Variants in IGFBPL1 observed in about 807,000 individuals in gnomAD.
The protein encoded by IGFBPL1 is insulin-like growth factor-binding protein-like 1.
IGFBPL1 carries 20 observed loss-of-function variants against 23.9 expected under a neutral mutation model. The observed-to-expected ratio is 0.84, with a 90% CI of 0.59 to 1.22. IGFBPL1 has a LOEUF of 1.22. Among genes scored for constraint, IGFBPL1 ranks in the 50% most tolerant of loss-of-function variants. IGFBPL1 has a pLI of 0.00. For missense variants in IGFBPL1, 436 were observed against 379.3 expected, an observed-to-expected ratio of 1.15 and a Z score of -1.24; for synonymous variants, 184 against 171.8, an observed-to-expected ratio of 1.07 and a Z score of -0.56.
rs1334565912 is a variant in IGFBPL1, at chr9:38,407,372, C to T, written c.*1855G>A. Among the ~76,000 whole-genome samples, 3 of 152,146 alleles carry T rather than the reference C, an allele frequency of 2.0e-5. No individual in the cohort carries two copies. The highest frequency in any genetic ancestry group is 4.8e-5 in the African/African-American group (2 of 41,432). ...ACTTGCTCAGGGTCACACAGCGAGC[C>T]GGGGATTAATATGCAAATGGATCTC... On this transcript the variant is annotated 3_prime_UTR_variant, in exon 5 of 5. Coordinates refer to ENST00000377694, the MANE Select transcript of IGFBPL1 (RefSeq NM_001007563.3).
chr9:38,409,905 T>C (rs1032598784), intron 4 of IGFBPL1, among the ~76,000 whole-genome samples: 3 of 152,184 alleles, frequency 2.0e-5, no homozygotes, highest in Non-Finnish European at 4.4e-5. Context: ...CTGCTTTTCA[T>C]GCCTTAATAT....
Position 38,408,656 on chromosome 9 carries a change from C to A in IGFBPL1, c.*571G>T, listed in dbSNP as rs1821466779. The stretch of plus-strand genomic sequence containing the variant: ...ACCATTTTAGAAAGAACACTAAGAC[C>A]ACACTTCCTGTTATTTTCCCAAAAG... On this transcript the variant is annotated 3_prime_UTR_variant, in exon 5 of 5. Coordinates refer to ENST00000377694, the MANE Select transcript of IGFBPL1 (RefSeq NM_001007563.3). Among the ~76,000 whole-genome samples, 1 of 152,068 alleles carries A rather than the reference C, an allele frequency of 6.6e-6. No homozygotes were observed. The highest frequency in any genetic ancestry group is 1.5e-5 in the Non-Finnish European group (1 of 68,036).
Position 38,413,286 on chromosome 9 carries a change from A to T in IGFBPL1, c.638T>A (p.Val213Asp), listed in dbSNP as rs1454284464. Residue 213 changes from valine (V) to aspartate (D), a missense_variant, in exon 3 of 5, where the codon GTC (valine) becomes GAC (aspartate). Transcript: ENST00000377694. ...GTCAGAAGGGCCCCCTCGCACTTGG[A>T]CAGCTATATTGACATGGTCCCCAGG... Reference protein sequence around the residue: ...ELPGDHVNIAVQVRGGPSDHE... With the variant: ...ELPGDHVNIADQVRGGPSDHE... 1 of 1,614,134 alleles carries T rather than the reference A, an allele frequency of 6.2e-7. No homozygotes were observed. The highest frequency in any genetic ancestry group is 8.5e-7 in the Non-Finnish European group (1 of 1,179,994).
intron 1 of IGFBPL1, among the ~76,000 whole-genome samples, chr9:38,414,529 T>C (rs1183060849): frequency 2.0e-5 from 3 of 152,134 alleles, no homozygotes; most frequent in Non-Finnish European, 4.4e-5. Flanking sequence ...CCGGCTGCCA[T>C]CTGCTATAGC....
At chr9:38,420,827 AC>A (rs1821669175) in intron 1 of IGFBPL1, among the ~76,000 whole-genome samples, 1 of 151,892 alleles carries the variant, frequency 6.6e-6, no homozygotes, top group African/African-American at 2.4e-5. Context: ...ACAGAGTGAG[AC>A]TCTGTCTCAA....
At chr9:38,413,543 C>T (rs79554861) in intron 2 of IGFBPL1, among the ~76,000 whole-genome samples, 190 bp from the exon 3 acceptor site, 2,939 of 152,324 alleles carry the variant, frequency 0.019, 46 homozygotes, top group Middle Eastern at 0.061. Context: ...ATAGACAGCA[C>T]GCTCTGCCAG....
intron 3 of IGFBPL1, among the ~76,000 whole-genome samples, chr9:38,411,753 T>C (rs188271947): frequency 1.3e-5 from 2 of 152,316 alleles, no homozygotes; most frequent in East Asian, 3.9e-4. Flanking sequence ...ACGCTCCCTA[T>C]TGTGGCTCTC....
chr9:38,421,532 C>T (rs1821678684), intron 1 of IGFBPL1, among the ~76,000 whole-genome samples: 1 of 152,066 alleles, frequency 6.6e-6, no homozygotes, highest in Non-Finnish European at 1.5e-5. Flanking sequence ...CCCGAGGCCT[C>T]ATTCCATGAA....
At chr9:38,414,033 T>TCTCACACACACACACACACACACACACA (rs5897733) in intron 2 of IGFBPL1, 61 bp downstream of exon 2, 1 of 680,642 alleles carries the variant, frequency 1.5e-6, no homozygotes, top group African/African-American at 1.9e-5. Context: ...TCCCTCTTTC[T>TCTCACACACACACACACACACACACACA]CACACACACA....
chr9:38,417,316 T>C (rs1821613558), intron 1 of IGFBPL1, among the ~76,000 whole-genome samples: 1 of 152,128 alleles, frequency 6.6e-6, no homozygotes, highest in Admixed American at 6.5e-5. Flanking sequence ...AGAGGACCCT[T>C]CCACGTACAC....
intron 1 of IGFBPL1, among the ~76,000 whole-genome samples, chr9:38,416,092 C>T (rs1262044642): frequency 5.9e-5 from 9 of 152,178 alleles, no homozygotes; most frequent in Non-Finnish European, 1.0e-4. Flanking sequence ...AATTTATTCA[C>T]ATTGTCCCGC....
intron 1 of IGFBPL1, among the ~76,000 whole-genome samples, chr9:38,420,660 G>A (rs542659182): frequency 3.9e-5 from 6 of 152,130 alleles, no homozygotes; most frequent in Admixed American, 6.6e-5. Flanking sequence ...GTGAAACCCC[G>A]TCTCTACTAA....
chr9:38,419,244 T>C (rs1821640748), intron 1 of IGFBPL1, among the ~76,000 whole-genome samples: 1 of 152,030 alleles, frequency 6.6e-6, no homozygotes, highest in Non-Finnish European at 1.5e-5. Context: ...AAAAAGCACA[T>C]AACCAAAGAT....
chr9:38,421,057 CT>C (rs957474534), intron 1 of IGFBPL1, among the ~76,000 whole-genome samples: 3 of 152,064 alleles, frequency 2.0e-5, no homozygotes, highest in African/African-American at 7.2e-5. Flanking sequence ...CTTTGGGAGG[CT>C]GAGGTGGGAG....
chr9:38,418,467 C>A (rs1821630459), intron 1 of IGFBPL1, among the ~76,000 whole-genome samples: 1 of 152,200 alleles, frequency 6.6e-6, no homozygotes, highest in Admixed American at 6.5e-5. Flanking sequence ...TGTCCTTAGG[C>A]ATCTCCTCTA....
intron 1 of IGFBPL1, among the ~76,000 whole-genome samples, chr9:38,421,446 G>C (rs1821677585): frequency 6.6e-6 from 1 of 152,126 alleles, no homozygotes; most frequent in Non-Finnish European, 1.5e-5. Flanking sequence ...ATTTAAGCCT[G>C]AAAACTGCTT....
At chr9:38,423,463 G>A (rs181905456) in intron 1 of IGFBPL1, among the ~76,000 whole-genome samples, 20 of 152,078 alleles carry the variant, frequency 1.3e-4, no homozygotes, top group African/African-American at 4.8e-4. Context: ...TTCCCACACC[G>A]GGGGCCCTGG....
chr9:38,422,952 T>G (rs1346392058), intron 1 of IGFBPL1, among the ~76,000 whole-genome samples: 1 of 152,166 alleles, frequency 6.6e-6, no homozygotes, highest in Non-Finnish European at 1.5e-5. Context: ...ACTTGGTCTC[T>G]GGGCTCAGGC....
rs1821728003 is a variant in IGFBPL1, at chr9:38,424,268, G to C, written c.157C>G (p.Pro53Ala). ...PEGCPAPAPC[P>A]APGISALDEC... is the part of the protein sequence containing the mutation. ...TCGAGCGCCGAGATCCCGGGCGCCG[G>C]GCAGGGCGCAGGCGCCGGGCAGCCC... The change falls in exon 1 of 5, where the codon CCG becomes GCG. Residue 53 changes from proline to alanine, a missense_variant. Transcript: ENST00000377694. 4.9e-6 allele frequency: 6 copies of C among 1,234,358 alleles called. No individual in the cohort carries two copies. In the East Asian group the frequency reaches 1.7e-4, roughly 35 times the overall value. The allele number at this position is 1,234,358 out of a possible 1,614,324, so 76.5% of individuals were successfully genotyped here.
Sources: allele counts gnomAD v4.1 joint callset (sites outside exome capture counted in the v4.1 genomes callset), GRCh38; gene constraint gnomAD v4.1.1; transcripts MANE v1.5; gene names NCBI Gene and HGNC (gene_info 2026-07-23, HGNC 2026-07-21).